RPTOR: variants seen among roughly 807,000 people sequenced by gnomAD.
RPTOR encodes the protein regulatory associated protein of MTOR complex 1.
Under a neutral mutation model 169.9 loss-of-function variants are expected in RPTOR, and 21 were observed. That is an observed-to-expected ratio of 0.12 (90% CI 0.09 to 0.18). RPTOR has a LOEUF of 0.18. RPTOR is among the 10% of genes least tolerant of loss of function. RPTOR has a pLI of 1.00. For synonymous variants in RPTOR, 732 were observed against 753.2 expected, an observed-to-expected ratio of 0.97 and a Z score of 0.46; for missense variants, 1,133 against 1,855.9, an observed-to-expected ratio of 0.61 and a Z score of 7.16.
At position 80,892,672 on chromosome 17, in the gene RPTOR, A is replaced by G. The variant is rs912015940; in HGVS notation, c.2102-57A>G. ...TGTCCCAGCTGCTGAGTGTCAGAAG[A>G]CACGCTGGCCTCCACCTGGAAGCCC... On this transcript the variant is annotated intron_variant, in intron 18 of 33. Transcript: ENST00000306801. The G allele has an allele frequency of 2.0e-5, 32 of 1,586,204 alleles. No individual in the cohort carries two copies. In the African/African-American group the frequency reaches 2.8e-4, roughly 14 times the overall value.
chr17:80,711,424 C>T (rs1249449281), intron 4 of RPTOR, among the ~76,000 whole-genome samples: 1 of 152,046 alleles, frequency 6.6e-6, no homozygotes, highest in East Asian at 1.9e-4. Context: ...ACACTAAGAA[C>T]GAGGATGGCT....
In RPTOR at chr17:80,726,161, G is replaced by A. The variant is rs2066331967; in HGVS notation, c.508-4399G>A. ...AAGCAGGCTTCCCAGAGCAGGCGGG[G>A]CTGGGAAAGCTGTTCTGTGGCGCAG... On this transcript the variant is annotated intron_variant, in intron 4 of 33. Coordinates refer to ENST00000306801, the MANE Select transcript of RPTOR (RefSeq NM_020761.3). This position sits in a 1 kb window ranked among gnomAD's most constrained non-coding sequence, Gnocchi z 4.5. Among the ~76,000 whole-genome samples, 1 of 152,196 alleles carries A rather than the reference G, an allele frequency of 6.6e-6. No homozygotes were observed. Among genetic ancestry groups the A allele is most frequent in the Admixed American group, 6.5e-5 (1 of 15,286 alleles).
rs544115886 is a variant in RPTOR, at chr17:80,746,507, G to A, written c.655-7503G>A. 1.3e-5 allele frequency among the ~76,000 whole-genome samples: 2 copies of A among 152,328 alleles called. No individual in the cohort carries two copies. The highest frequency in any genetic ancestry group is 1.9e-4 in the East Asian group (1 of 5,180). On this transcript the variant is annotated intron_variant, in intron 5 of 33. Coordinates refer to ENST00000306801, the MANE Select transcript of RPTOR (RefSeq NM_020761.3). This position sits in a 1 kb window ranked among gnomAD's most constrained non-coding sequence, Gnocchi z 4.5. Reference sequence around the variant, plus strand: ...GGATCCGGTTGCTGTGTATCGCATCGCAAGACTTTTCTGGATCCTTCCCAA... The same window carrying A: ...GGATCCGGTTGCTGTGTATCGCATCACAAGACTTTTCTGGATCCTTCCCAA...
intron 6 of RPTOR, among the ~76,000 whole-genome samples, chr17:80,778,391 C>T (rs1286235853): frequency 2.0e-5 from 3 of 152,160 alleles, no homozygotes; most frequent in Non-Finnish European, 4.4e-5. Context: ...TGCTTGGCAC[C>T]CTTTGGAACA....
rs1394209515 is a variant in RPTOR at position 80,918,224 on chromosome 17, T to A, written c.2521-4500T>A. ...ATGTGGCCCTGCCTTAGAGCCACGC[T>A]GCCCAATGCTGGCCCGTGGGCCCCT... On this transcript the variant is annotated intron_variant, in intron 21 of 33. Transcript: ENST00000306801. Among the ~76,000 whole-genome samples, 3 of 152,216 alleles carry A rather than the reference T, an allele frequency of 2.0e-5. No homozygotes were observed. In the East Asian group the frequency reaches 5.8e-4, roughly 29 times the overall value.
chr17:80,631,659 T>G (rs959279362), intron 2 of RPTOR, among the ~76,000 whole-genome samples: 7 of 152,234 alleles, frequency 4.6e-5, no homozygotes, highest in African/African-American at 1.4e-4. Context: ...CCCCCCAGCT[T>G]TCTACATCCT....
intron 1 of RPTOR, among the ~76,000 whole-genome samples, chr17:80,611,580 G>A (rs2065271196): frequency 6.6e-6 from 1 of 151,962 alleles, no homozygotes; most frequent in Non-Finnish European, 1.5e-5. Context: ...CCTGGCTAGT[G>A]ATTTTCTTCC....
intron 20 of RPTOR, among the ~76,000 whole-genome samples, chr17:80,900,545 A>G (rs988417639): frequency 1.3e-5 from 2 of 151,980 alleles, no homozygotes; most frequent in African/African-American, 2.4e-5. Context: ...CGAACTTCCA[A>G]CCTCGGGTGA....
intron 6 of RPTOR, among the ~76,000 whole-genome samples, chr17:80,782,747 CTG>C (rs1403775532): frequency 6.6e-6 from 1 of 152,244 alleles, no homozygotes; most frequent in Non-Finnish European, 1.5e-5. Flanking sequence ...CTCCAGTCCT[CTG>C]TGGCTGTCCC....
At position 80,893,740 on chromosome 17, in the gene RPTOR, TCAGCAC is replaced by T. The variant is rs1189027042; in HGVS notation, c.2282_2287del (p.Thr761_Ser762del). 1.2e-6 allele frequency: 2 copies of T among 1,608,970 alleles called. No individual in the cohort carries two copies. Among genetic ancestry groups the T allele is most frequent in the South Asian group, 2.2e-5 (2 of 90,842 alleles). The stretch of plus-strand genomic sequence containing the variant: ...GCGGTGGCGTTCTCCCCCGGAAACC[TCAGCAC>T]CAGCAGCAGCGCCAGCAGCACCCTG... On this transcript the variant is annotated inframe_deletion, in exon 20 of 34. Transcript: ENST00000306801.
At chr17:80,579,262 C>T (rs935018490) in intron 1 of RPTOR, among the ~76,000 whole-genome samples, 2 of 152,018 alleles carry the variant, frequency 1.3e-5, no homozygotes, top group African/African-American at 4.8e-5. Flanking sequence ...GGTGCGATCT[C>T]GGCTCACCGC....
chr17:80,603,120 A>AT, intron 1 of RPTOR, among the ~76,000 whole-genome samples: 1 of 152,128 alleles, frequency 6.6e-6, no homozygotes, highest in Admixed American at 6.5e-5. Flanking sequence ...CATGCTGTTT[A>AT]TTTTTGTCAT....
chr17:80,893,162 C>A (rs1598383671), intron 19 of RPTOR, among the ~76,000 whole-genome samples: 1 of 152,268 alleles, frequency 6.6e-6, no homozygotes. Flanking sequence ...CCCCGTCTCC[C>A]AGTAACCTGT....
rs908052647 is a variant in RPTOR, at chr17:80,720,853, C to T, written c.508-9707C>T. Among the ~76,000 whole-genome samples the T allele has an allele frequency of 5.3e-5, 8 of 151,488 alleles. No individual in the cohort carries two copies. The East Asian group carries it at 1.5e-3, about 29-fold the overall frequency. On this transcript the variant is annotated intron_variant, in intron 4 of 33. Transcript: ENST00000306801. Reference sequence around the variant, plus strand: ...TCCCACAAAATTGCTGCTGCGGCCGCTTCTGCTGCTGTCTGGGTTGTCTGC... The same window carrying T: ...TCCCACAAAATTGCTGCTGCGGCCGTTTCTGCTGCTGTCTGGGTTGTCTGC...
intron 3 of RPTOR, among the ~76,000 whole-genome samples, chr17:80,678,844 C>T (rs1435021609): frequency 6.6e-6 from 1 of 152,210 alleles, no homozygotes; most frequent in East Asian, 1.9e-4. Context: ...TTGGGGCCCT[C>T]CAGAGATGCT....
intron 24 of RPTOR, among the ~76,000 whole-genome samples, chr17:80,930,319 A>ATCCTCAGCTCCGCTCATCCTCG (rs2068869272): frequency 5.3e-5 from 1 of 18,996 alleles, no homozygotes; most frequent in African/African-American, 1.9e-4. Context: ...TCCCCAGCTC[A>ATCCTCAGCTCCGCTCATCCTCG]GCTCAGCTCA....
chr17:80,546,183 G>A (rs1329189579), intron 1 of RPTOR, among the ~76,000 whole-genome samples: 2 of 152,188 alleles, frequency 1.3e-5, no homozygotes, highest in Non-Finnish European at 2.9e-5. Flanking sequence ...AAATATCCAA[G>A]CTGGGTGAAG....
chr17:80,963,161 C>G, intron 33 of RPTOR, 104 bp downstream of exon 33: 1 of 1,111,424 alleles, frequency 9.0e-7, no homozygotes, highest in Non-Finnish European at 1.3e-6. Context: ...CCCCACACCA[C>G]AGTGGGGCCC....
intron 3 of RPTOR, among the ~76,000 whole-genome samples, chr17:80,663,136 C>A (rs1310746548): frequency 6.6e-6 from 1 of 152,178 alleles, no homozygotes. Context: ...CTCGTCCGGG[C>A]GGCAGCTCAT....
Sources: allele counts gnomAD v4.1 joint callset (sites outside exome capture counted in the v4.1 genomes callset), GRCh38; gene constraint gnomAD v4.1.1; non-coding constraint Gnocchi (gnomAD v3.1); transcripts MANE v1.5; gene names NCBI Gene and HGNC (gene_info 2026-07-23, HGNC 2026-07-21).